Variants in SH3BGRL2 observed in about 807,000 individuals in gnomAD.
SH3BGRL2 encodes SH3 domain-binding glutamic acid-rich-like protein 2.
A neutral mutation model predicts 14.8 loss-of-function variants in SH3BGRL2; 21 were observed. The observed-to-expected ratio is 1.42, with a 90% CI of 1.01 to 2.05. The LOEUF is 2.05. Among genes scored for constraint, SH3BGRL2 ranks in the 30% most tolerant of loss-of-function variants. The pLI, the probability that SH3BGRL2 is intolerant of heterozygous loss-of-function variation, is 0.00. For synonymous variants in SH3BGRL2, 50 were observed against 47.8 expected (o/e 1.05, Z -0.19); for missense variants, 147 against 130.8 (o/e 1.12, Z -0.61).
intron 3 of SH3BGRL2, among the ~76,000 whole-genome samples, chr6:79,699,074 G>A (rs914620091): frequency 2.0e-5 from 3 of 151,756 alleles, no homozygotes; most frequent in African/African-American, 2.4e-5. Context: ...GGGAGGGTGC[G>A]CAGGGGTGGC....
At chr6:79,593,426 T>C in the SH3BGRL2 span, among the ~76,000 whole-genome samples, 3 of 152,124 alleles carry the variant, frequency 2.0e-5, no homozygotes, top group Non-Finnish European at 4.4e-5. Context: ...GTCCTAGATA[T>C]TTTGAAATTC....
chr6:79,580,234 G>C, the SH3BGRL2 span, among the ~76,000 whole-genome samples: 2 of 151,944 alleles, frequency 1.3e-5, no homozygotes, highest in South Asian at 2.1e-4. Context: ...TTAGATCAAA[G>C]AGACAGAATA....
At chr6:79,615,767 A>C in the SH3BGRL2 span, among the ~76,000 whole-genome samples, 3 of 151,404 alleles carry the variant, frequency 2.0e-5, no homozygotes, top group African/African-American at 4.8e-5. Context: ...TTTTTTTTCT[A>C]ACATTGTGTA....
At chr6:79,554,426 TCTA>T in the SH3BGRL2 span, among the ~76,000 whole-genome samples, 1 of 152,168 alleles carries the variant, frequency 6.6e-6, no homozygotes, top group Non-Finnish European at 1.5e-5. Flanking sequence ...TCTTGACAAA[TCTA>T]CTAACAGTCA....
At chr6:79,685,240 C>G (rs1160849878) in intron 2 of SH3BGRL2, among the ~76,000 whole-genome samples, 1 of 152,196 alleles carries the variant, frequency 6.6e-6, no homozygotes, top group Admixed American at 6.5e-5. Context: ...AGTTGCATGG[C>G]TAGCAGTATA....
chr6:79,555,931 ATAAAG>A, the SH3BGRL2 span, among the ~76,000 whole-genome samples: 1 of 152,240 alleles, frequency 6.6e-6, no homozygotes, highest in Non-Finnish European at 1.5e-5. Flanking sequence ...AAAATATATG[ATAAAG>A]TAAACTTCCC....
chr6:79,584,111 C>A, the SH3BGRL2 span, among the ~76,000 whole-genome samples: 1 of 152,002 alleles, frequency 6.6e-6, no homozygotes, highest in African/African-American at 2.4e-5. Flanking sequence ...ATTTTATGGT[C>A]CTCATTTACT....
At chr6:79,631,666 G>A (rs1407829883) in intron 1 of SH3BGRL2, among the ~76,000 whole-genome samples, 160 bp downstream of exon 1, 5 of 152,170 alleles carry the variant, frequency 3.3e-5, no homozygotes, top group African/African-American at 1.2e-4. Flanking sequence ...CAATGAAGAG[G>A]GCGGGGAGGA....
At chr6:79,582,082 T>A in the SH3BGRL2 span, among the ~76,000 whole-genome samples, 1 of 152,002 alleles carries the variant, frequency 6.6e-6, no homozygotes, top group Non-Finnish European at 1.5e-5. Context: ...TTACGAGGGA[T>A]GTGAAGGACC....
At chr6:79,563,470 CTTGGCTTA>C in the SH3BGRL2 span, among the ~76,000 whole-genome samples, 1 of 152,046 alleles carries the variant, frequency 6.6e-6, no homozygotes, top group Non-Finnish European at 1.5e-5. Flanking sequence ...CTCACTGACT[CTTGGCTTA>C]GTAAAGTGAC....
chr6:79,630,232 T>TA (rs1768796957), upstream of SH3BGRL2, among the ~76,000 whole-genome samples: 1 of 152,238 alleles, frequency 6.6e-6, no homozygotes, highest in South Asian at 2.1e-4. Flanking sequence ...ATAACTGTTC[T>TA]AAAAAATACT....
chr6:79,703,487 A>T lies in SH3BGRL2; in HGVS notation c.*3978A>T, dbSNP rs1160012777. On this transcript the variant is annotated 3_prime_UTR_variant, in exon 4 of 4. Coordinates refer to ENST00000369838, the MANE Select transcript of SH3BGRL2 (RefSeq NM_031469.4). Reference sequence around the variant, plus strand: ...CCCCTGTGTGCCTACCACCCACCTTATTGCCTTTCCTTTGAGGTACCGTGT... The same window carrying T: ...CCCCTGTGTGCCTACCACCCACCTTTTTGCCTTTCCTTTGAGGTACCGTGT... 1 of 152,098 alleles carries T rather than the reference A, an allele frequency of 6.6e-6. No individual in the cohort carries two copies. Among genetic ancestry groups the T allele is most frequent in the African/African-American group, 2.4e-5 (1 of 41,390 alleles). The allele number at this position is 152,098 out of a possible 1,614,324, so 9.4% of individuals were successfully genotyped here.
At chr6:79,654,913 C>A (rs112558280) in intron 1 of SH3BGRL2, among the ~76,000 whole-genome samples, 39 of 152,272 alleles carry the variant, frequency 2.6e-4, no homozygotes, top group African/African-American at 8.7e-4. Flanking sequence ...TCTTCCTTGT[C>A]TTAACCTGGT....
upstream of SH3BGRL2, among the ~76,000 whole-genome samples, chr6:79,628,382 A>T (rs1768769028): frequency 6.6e-6 from 1 of 151,970 alleles, no homozygotes; most frequent in Non-Finnish European, 1.5e-5. Context: ...CCCTACTTTA[A>T]AACATTCTAG....
At chr6:79,644,594 A>C (rs1012402203) in intron 1 of SH3BGRL2, among the ~76,000 whole-genome samples, 5 of 152,210 alleles carry the variant, frequency 3.3e-5, no homozygotes, top group African/African-American at 1.2e-4. Context: ...AGTGATGAGT[A>C]GAAAGAATGT....
the SH3BGRL2 span, among the ~76,000 whole-genome samples, chr6:79,568,136 A>AC: frequency 2.0e-5 from 3 of 152,086 alleles, no homozygotes; most frequent in Non-Finnish European, 4.4e-5. Flanking sequence ...AAATGGTCCA[A>AC]CCCCCTTTGA....
At chr6:79,546,008 T>TAA in the SH3BGRL2 span, among the ~76,000 whole-genome samples, 1 of 151,116 alleles carries the variant, frequency 6.6e-6, no homozygotes, top group East Asian at 1.9e-4. Context: ...TCCTTACATT[T>TAA]AAAAAAAAAT....
At chr6:79,699,190 C>T (rs1344766955) in intron 3 of SH3BGRL2, among the ~76,000 whole-genome samples, 1 of 152,146 alleles carries the variant, frequency 6.6e-6, no homozygotes, top group Non-Finnish European at 1.5e-5. Flanking sequence ...GCCCTCTGAG[C>T]AAGGTAACCC....
chr6:79,641,243 T>C (rs1769029621), intron 1 of SH3BGRL2, among the ~76,000 whole-genome samples: 1 of 152,124 alleles, frequency 6.6e-6, no homozygotes, highest in Admixed American at 6.6e-5. Context: ...TGGTTCTCTT[T>C]TAATAATTAT....
Sources: allele counts gnomAD v4.1 joint callset (sites outside exome capture counted in the v4.1 genomes callset), GRCh38; gene constraint gnomAD v4.1.1; transcripts MANE v1.5; gene names NCBI Gene and HGNC (gene_info 2026-07-23, HGNC 2026-07-21).